Variants in NRG3 observed in about 807,000 individuals in gnomAD.
NRG3 encodes the protein pro-neuregulin-3, membrane-bound isoform.
NRG3 carries 31 observed loss-of-function variants against 66.9 expected under a neutral mutation model. That is an observed-to-expected ratio of 0.46 (90% CI 0.35 to 0.63). NRG3 has a LOEUF of 0.63. Among genes scored for constraint, NRG3 ranks in the 20% least tolerant of loss-of-function variants. The pLI, the probability that NRG3 is intolerant of heterozygous loss-of-function variation, is 0.00. For synonymous variants in NRG3, 393 were observed against 359.4 expected, an observed-to-expected ratio of 1.09 and a Z score of -1.06; for missense variants, 910 against 878.9, an observed-to-expected ratio of 1.04 and a Z score of -0.45.
chr10:82,150,724 C>T (rs539874382), intron 1 of NRG3, among the ~76,000 whole-genome samples: 29 of 152,072 alleles, frequency 1.9e-4, no homozygotes, highest in African/African-American at 5.5e-4. Flanking sequence ...GTAAAATATC[C>T]GTCTTTCATC....
At position 82,865,312 on chromosome 10, in the gene NRG3, G is replaced by A. The variant is rs1355935426; in HGVS notation, c.1028-99G>A. ...AAAATTGAGGCTGTGCCTTGCCTTGGAGGGTTAGTCTTATGAGCACTGATT... is the reference window on the plus strand; with the variant it reads ...AAAATTGAGGCTGTGCCTTGCCTTGAAGGGTTAGTCTTATGAGCACTGATT... On this transcript the variant is annotated intron_variant, in intron 3 of 8. Transcript: ENST00000372141. The A allele has an allele frequency of 4.9e-6, 6 of 1,220,380 alleles. No individual in the cohort carries two copies. The African/African-American group carries it at 6.0e-5, about 12-fold the overall frequency. 75.6% of individuals were successfully genotyped at this position (1,220,380 alleles called of 1,614,324 possible).
At chr10:82,061,244 G>A (rs2064125592) in intron 1 of NRG3, among the ~76,000 whole-genome samples, 1 of 152,096 alleles carries the variant, frequency 6.6e-6, no homozygotes, top group South Asian at 2.1e-4. Flanking sequence ...CCAACTACTT[G>A]GGAGGCTGAG....
chr10:82,750,834 G>A (rs578213528), intron 3 of NRG3, among the ~76,000 whole-genome samples: 3 of 152,104 alleles, frequency 2.0e-5, no homozygotes, highest in Admixed American at 1.3e-4. Context: ...ATTTTTTCAT[G>A]AGGGGTCAAG....
At chr10:82,128,864 T>A (rs1564589123) in intron 1 of NRG3, among the ~76,000 whole-genome samples, 1 of 152,038 alleles carries the variant, frequency 6.6e-6, no homozygotes, top group Non-Finnish European at 1.5e-5. Context: ...ACCATGTTGA[T>A]GATAAAAGCA....
At chr10:82,780,480 C>CT (rs150086019) in intron 3 of NRG3, among the ~76,000 whole-genome samples, 23,316 of 106,214 alleles carry the variant, frequency 0.22, 2,698 homozygotes, top group African/African-American at 0.31. Flanking sequence ...TTTTTCTTTT[C>CT]TTTTTTTTTT....
At chr10:82,500,145 G>T (rs535533937) in intron 2 of NRG3, among the ~76,000 whole-genome samples, 112 of 152,288 alleles carry the variant, frequency 7.4e-4, no homozygotes, top group African/African-American at 2.4e-3. Context: ...GGATAGGGAT[G>T]TAGTAGGTCA....
intron 4 of NRG3, among the ~76,000 whole-genome samples, chr10:82,912,675 C>G (rs1008971882): frequency 6.6e-6 from 1 of 152,064 alleles, no homozygotes; most frequent in Non-Finnish European, 1.5e-5. Flanking sequence ...GGATTAATAC[C>G]TATCATATTT....
intron 1 of NRG3, among the ~76,000 whole-genome samples, chr10:82,063,715 G>A (rs2064290676): frequency 6.6e-6 from 1 of 151,918 alleles, no homozygotes; most frequent in Admixed American, 6.6e-5. Context: ...CTAAAGAAAG[G>A]AACTAAATAG....
At chr10:82,390,235 C>T (rs1446140387) in intron 2 of NRG3, among the ~76,000 whole-genome samples, 1 of 152,040 alleles carries the variant, frequency 6.6e-6, no homozygotes, top group African/African-American at 2.4e-5. Flanking sequence ...GAAATTTTTG[C>T]CTCTACTTTC....
At chr10:82,046,142 T>A (rs1408929663) in intron 1 of NRG3, among the ~76,000 whole-genome samples, 1 of 148,296 alleles carries the variant, frequency 6.7e-6, no homozygotes, top group Non-Finnish European at 1.5e-5. Flanking sequence ...GCATTGAATC[T>A]ATAAATTACC....
At chr10:82,442,355 G>T (rs1038266190) in intron 2 of NRG3, among the ~76,000 whole-genome samples, 6 of 152,114 alleles carry the variant, frequency 3.9e-5, no homozygotes, top group Non-Finnish European at 8.8e-5. Context: ...ATTGTAAGGT[G>T]GAATTTGAAG....
chr10:82,338,752 A>G (rs1317576779), intron 1 of NRG3, among the ~76,000 whole-genome samples: 1 of 152,190 alleles, frequency 6.6e-6, no homozygotes, highest in Non-Finnish European at 1.5e-5. Context: ...TTCTTTTCTC[A>G]TTTAGGCTTC....
intron 2 of NRG3, among the ~76,000 whole-genome samples, chr10:82,595,198 G>A (rs571537254): frequency 2.7e-4 from 41 of 152,194 alleles, no homozygotes; most frequent in African/African-American, 9.9e-4. Flanking sequence ...TGAAAAGAAA[G>A]CCTCTAACTC....
chr10:82,390,399 G>A (rs1053507802), intron 2 of NRG3, among the ~76,000 whole-genome samples: 1 of 152,056 alleles, frequency 6.6e-6, no homozygotes, highest in Admixed American at 6.6e-5. Context: ...TCCAGCATAA[G>A]TTTTAGGTGA....
intron 3 of NRG3, among the ~76,000 whole-genome samples, chr10:82,794,250 A>G (rs1197342011): frequency 1.3e-5 from 2 of 152,196 alleles, no homozygotes; most frequent in Non-Finnish European, 2.9e-5. Context: ...TCACAAATCC[A>G]TAATTAAATC....
chr10:82,409,539 G>C (rs544045160), intron 2 of NRG3, among the ~76,000 whole-genome samples: 32 of 152,232 alleles, frequency 2.1e-4, no homozygotes, highest in Non-Finnish European at 4.0e-4. Flanking sequence ...TGAAGGACGT[G>C]GGATAAAAAT....
At chr10:82,099,370 T>C (rs935060927) in intron 1 of NRG3, among the ~76,000 whole-genome samples, 6 of 152,202 alleles carry the variant, frequency 3.9e-5, no homozygotes, top group Admixed American at 3.9e-4. Context: ...AACATATATA[T>C]GTGGGTTTCT....
chr10:82,096,073 T>C (rs1343932541), intron 1 of NRG3, among the ~76,000 whole-genome samples: 1 of 152,148 alleles, frequency 6.6e-6, no homozygotes, highest in Non-Finnish European at 1.5e-5. Flanking sequence ...ATAATCGCAA[T>C]TCGAGCCAGT....
chr10:82,506,329 C>A (rs1844673699), intron 2 of NRG3, among the ~76,000 whole-genome samples: 2 of 152,206 alleles, frequency 1.3e-5, no homozygotes, highest in African/African-American at 4.8e-5. Context: ...CCTCTTCAGA[C>A]AAGGTACTCC....
Sources: allele counts gnomAD v4.1 joint callset (sites outside exome capture counted in the v4.1 genomes callset), GRCh38; gene constraint gnomAD v4.1.1; transcripts MANE v1.5; gene names NCBI Gene and HGNC (gene_info 2026-07-23, HGNC 2026-07-21).